PRDX3: variants seen among roughly 807,000 people sequenced by gnomAD.
PRDX3 encodes thioredoxin-dependent peroxide reductase, mitochondrial.
Under a neutral mutation model 30.4 loss-of-function variants are expected in PRDX3, and 20 were observed. That is an observed-to-expected ratio of 0.66 (90% CI 0.46 to 0.96). PRDX3 has a LOEUF of 0.96. Among genes scored for constraint, PRDX3 ranks in the 40% least tolerant of loss-of-function variants. PRDX3 has a pLI of 0.00. For missense variants in PRDX3, 322 were observed against 318.3 expected, an observed-to-expected ratio of 1.01 and a Z score of -0.09; for synonymous variants, 124 against 117.8, an observed-to-expected ratio of 1.05 and a Z score of -0.34.
intron 1 of PRDX3, among the ~76,000 whole-genome samples, chr10:119,178,089 C>T (rs1467998240): frequency 4.6e-5 from 7 of 151,876 alleles, no homozygotes; most frequent in African/African-American, 1.5e-4. Context: ...TCTCAAACTC[C>T]TGGGCTCAAG....
In PRDX3 at chr10:119,177,170, T is replaced by C. The variant is rs773788337; in HGVS notation, c.37-17A>G. On this transcript the variant is annotated splice_polypyrimidine_tract_variant and intron_variant, in intron 1 of 6. Coordinates refer to ENST00000298510, the MANE Select transcript of PRDX3 (RefSeq NM_006793.5). ...TCGGGCAACCTGGAAAGAGAAACTT[T>C]TTATTAGAAAGTTTTCCTGGACTGG... is the stretch of plus-strand genomic sequence containing the variant. 5.3e-5 allele frequency: 85 copies of C among 1,611,838 alleles called. No individual in the cohort carries two copies. The highest frequency in any genetic ancestry group is 6.8e-5 in the Non-Finnish European group (80 of 1,179,652).
At chr10:119,168,635 C>G in intron 6 of PRDX3, 102 bp from the exon 7 acceptor site, 1 of 1,527,666 alleles carries the variant, frequency 6.5e-7, no homozygotes. Context: ...GTTCTTTAAA[C>G]TTTTAAAGAT....
At chr10:119,177,649 CAAAAAAAAAAA>C (rs34339894) in intron 1 of PRDX3, among the ~76,000 whole-genome samples, 12 of 94,902 alleles carry the variant, frequency 1.3e-4, no homozygotes, top group Admixed American at 1.0e-3. Flanking sequence ...AACTCCGTCT[CAAAAAAAAAAA>C]AAAAAAAAAT....
At chr10:119,168,601 C>G in intron 6 of PRDX3, 68 bp from the exon 7 acceptor site, 1 of 1,578,364 alleles carries the variant, frequency 6.3e-7, no homozygotes, top group Non-Finnish European at 8.6e-7. Context: ...AAGTGAGTGG[C>G]AATCTCCCAA....
chr10:119,176,141 G>C lies in PRDX3; in HGVS notation c.169+880C>G, dbSNP rs145200117. On this transcript the variant is annotated intron_variant, in intron 2 of 6. Coordinates refer to ENST00000298510, the MANE Select transcript of PRDX3 (RefSeq NM_006793.5). ...AGGTATGGGGCAGAAAGAACAGAAA[G>C]GAATGGATGCAAGAGATGTGTCAAA... Among the ~76,000 whole-genome samples, 5 of 152,220 alleles carry C rather than the reference G, an allele frequency of 3.3e-5. No homozygotes were observed. The East Asian group carries it at 9.6e-4, about 29-fold the overall frequency.
intron 4 of PRDX3, among the ~76,000 whole-genome samples, chr10:119,172,973 C>T (rs990940515): frequency 6.6e-6 from 1 of 152,012 alleles, no homozygotes; most frequent in Non-Finnish European, 1.5e-5. Flanking sequence ...GAGTCTCGCT[C>T]TGTCGCCCAG....
At chr10:119,174,709 C>T in intron 2 of PRDX3, 117 bp from the exon 3 acceptor site, 1 of 1,048,474 alleles carries the variant, frequency 9.5e-7, no homozygotes, top group Non-Finnish European at 1.3e-6. Context: ...TAAATCAAAA[C>T]ATTCGGTTCA....
intron 2 of PRDX3, 43 bp downstream of exon 2, chr10:119,176,978 T>G (rs1378407126): frequency 6.2e-7 from 1 of 1,612,182 alleles, no homozygotes; most frequent in African/African-American, 1.3e-5. Flanking sequence ...ATGGTTCATT[T>G]TTCCTTTACC....
chr10:119,168,571 T>C (rs1023336743), intron 6 of PRDX3, 38 bp from the exon 7 acceptor site: 8 of 1,611,152 alleles, frequency 5.0e-6, no homozygotes, highest in African/African-American at 4.0e-5. Flanking sequence ...ACTGTGACTT[T>C]ACCATAATAA....
At chr10:119,178,056 C>T (rs1007768556) in intron 1 of PRDX3, among the ~76,000 whole-genome samples, 1 of 151,462 alleles carries the variant, frequency 6.6e-6, no homozygotes, top group Admixed American at 6.6e-5. Flanking sequence ...GAGACAAGGT[C>T]TCACTATTAT....
At position 119,168,127 on chromosome 10, in the gene PRDX3, A is replaced by G; in HGVS notation, c.*353T>C. ...CAGGACCGTTGATCAGAAGCTTTCA[A>G]TGTGTGTTGCTCTACTTTATTATAG... On this transcript the variant is annotated 3_prime_UTR_variant, in exon 7 of 7. Coordinates refer to ENST00000298510, the MANE Select transcript of PRDX3 (RefSeq NM_006793.5). The G allele has an allele frequency of 5.1e-6, 1 of 195,178 alleles. No homozygotes were observed. Among genetic ancestry groups the G allele is most frequent in the South Asian group, 1.1e-4 (1 of 8,782 alleles). The allele number at this position is 195,178 out of a possible 1,614,324, so 12.1% of individuals were successfully genotyped here.
intron 5 of PRDX3, chr10:119,170,300 G>A (rs1253866576): frequency 6.6e-6 from 1 of 152,250 alleles, no homozygotes; most frequent in African/African-American, 2.4e-5. Flanking sequence ...GGAGCCTGGG[G>A]TTTGAGGTGA....
At chr10:119,173,656 G>C in intron 4 of PRDX3, 81 bp downstream of exon 4, 1 of 1,432,088 alleles carries the variant, frequency 7.0e-7, no homozygotes, top group Non-Finnish European at 9.5e-7. Flanking sequence ...ATTTGATCTT[G>C]ATAGTCCAGC....
At chr10:119,176,602 C>T (rs1387028578) in intron 2 of PRDX3, among the ~76,000 whole-genome samples, 2 of 152,190 alleles carry the variant, frequency 1.3e-5, no homozygotes, top group African/African-American at 2.4e-5. Context: ...GGTCTGGTTC[C>T]TAAGTGGCCA....
Position 119,173,860 on chromosome 10 carries a change from A to T in PRDX3, c.324T>A (p.Cys108Ter). The T allele has an allele frequency of 6.2e-7, 1 of 1,608,608 alleles. No homozygotes were observed. The highest frequency in any genetic ancestry group is 1.1e-5 in the South Asian group (1 of 90,684). ...CACTAAAAGCAACAATTTCTGTAGG[A>T]CACACAAAGGTGCTGGAAAAAAAGG... ...FFYPLDFTFV[C>*]PTEIVAFSDK... Residue 108 changes from cysteine (C) to a stop codon, truncating the protein, a stop_gained, in exon 4 of 7, where the codon TGT becomes TGA. Transcript: ENST00000298510. LOFTEE classifies it high-confidence loss of function.
intron 1 of PRDX3, 151 bp downstream of exon 1, chr10:119,178,604 C>A (rs1279119349): frequency 4.0e-6 from 4 of 1,000,372 alleles, no homozygotes; most frequent in Admixed American, 4.0e-5. Context: ...ATGGAACCTT[C>A]CCGGAGGGAG....
chr10:119,178,754 C>A lies in PRDX3; in HGVS notation c.36+1G>T. ...CCTGTCCCCAGCCGACAGCCACTCA[C>A]CGACGCTCGGAGCAACCGTCCTACA... is the stretch of plus-strand genomic sequence containing the variant. On this transcript the variant is annotated splice_donor_variant, in intron 1 of 6. Coordinates refer to ENST00000298510, the MANE Select transcript of PRDX3 (RefSeq NM_006793.5). LOFTEE classifies it high-confidence loss of function. The A allele has an allele frequency of 1.3e-6, 2 of 1,552,136 alleles. No homozygotes were observed. The highest frequency in any genetic ancestry group is 1.7e-6 in the Non-Finnish European group (2 of 1,147,746).
In PRDX3 at chr10:119,175,783, A is replaced by ATT. The variant is rs35370028; in HGVS notation, c.170-1193_170-1192dup. On this transcript the variant is annotated intron_variant, in intron 2 of 6. Coordinates refer to ENST00000298510, the MANE Select transcript of PRDX3 (RefSeq NM_006793.5). The stretch of plus-strand genomic sequence containing the variant: ...GACATGTTAGGAGGTGGTTTCAGTG[A>ATT]TTTTTTTTTTTTTGAGACAGAGTTT... Among the ~76,000 whole-genome samples the ATT allele has an allele frequency of 9.2e-3, 1,319 of 143,324 alleles. 26 individuals carry two copies. The highest frequency in any genetic ancestry group is 0.028 in the African/African-American group (1,079 of 38,838). The allele number at this position is 143,324 out of a possible 152,430, so 94.0% of individuals were successfully genotyped here. A position where few individuals can be genotyped will look rare whatever the true frequency, so the allele number is the denominator to read the frequency against.
Position 119,169,360 on chromosome 10 carries a change from C to T in PRDX3, c.552-18G>A. 1.2e-6 allele frequency: 2 copies of T among 1,608,466 alleles called. No individual in the cohort carries two copies. Among genetic ancestry groups the T allele is most frequent in the Non-Finnish European group, 1.7e-6 (2 of 1,176,276 alleles). On this transcript the variant is annotated intron_variant, in intron 5 of 6. Transcript: ENST00000298510. ...AGAGACCTCTGCATGATCATTTATCCTCATCAGTGCCTCAACAGTACCAGA... is the reference window on the plus strand; with the variant it reads ...AGAGACCTCTGCATGATCATTTATCTTCATCAGTGCCTCAACAGTACCAGA...
Sources: allele counts gnomAD v4.1 joint callset (sites outside exome capture counted in the v4.1 genomes callset), GRCh38; gene constraint gnomAD v4.1.1; transcripts MANE v1.5; gene names NCBI Gene and HGNC (gene_info 2026-07-23, HGNC 2026-07-21).